Variants in SGMS1 observed in about 807,000 individuals in gnomAD.
SGMS1 encodes the protein phosphatidylcholine:ceramide cholinephosphotransferase 1.
Under a neutral mutation model 46.2 loss-of-function variants are expected in SGMS1, and 13 were observed. That is an observed-to-expected ratio of 0.28 (90% confidence interval 0.18 to 0.45). The LOEUF (loss-of-function observed/expected upper bound fraction) is 0.45, where lower values mean the gene tolerates loss of function less well. SGMS1 is among the 20% of genes least tolerant of loss of function. The pLI is 1.00. For missense variants in SGMS1, 324 were observed against 519.9 expected (o/e 0.62, Z 3.66); for synonymous variants, 203 against 187.8 (o/e 1.08, Z -0.66).
At chr10:50,564,621 C>A (rs566977233) in intron 2 of SGMS1, among the ~76,000 whole-genome samples, 34 of 152,124 alleles carry the variant, frequency 2.2e-4, no homozygotes, top group Non-Finnish European at 4.4e-4. Context: ...TAATGTGGCA[C>A]TTTATGAGCA....
chr10:50,356,152 T>G (rs1848144232), intron 6 of SGMS1, among the ~76,000 whole-genome samples: 2 of 152,244 alleles, frequency 1.3e-5, no homozygotes, highest in African/African-American at 4.8e-5. Flanking sequence ...GAGATCAGAT[T>G]GTTACTCTGT....
At chr10:50,596,881 A>G (rs539403416) in intron 1 of SGMS1, among the ~76,000 whole-genome samples, 1 of 152,202 alleles carries the variant, frequency 6.6e-6, no homozygotes, top group African/African-American at 2.4e-5. Context: ...TGACTTGCTT[A>G]AAGTCAGTGA....
At chr10:50,310,607 T>A (rs1847238994) in intron 9 of SGMS1, among the ~76,000 whole-genome samples, 1 of 151,582 alleles carries the variant, frequency 6.6e-6, no homozygotes, top group African/African-American at 2.4e-5. Context: ...GAAAAGGTTT[T>A]AATCATATAT....
At chr10:50,428,957 G>C (rs1038373156) in intron 6 of SGMS1, among the ~76,000 whole-genome samples, 1 of 152,188 alleles carries the variant, frequency 6.6e-6, no homozygotes, top group African/African-American at 2.4e-5. Flanking sequence ...TTAGCCTAAA[G>C]TTGGGTAAAA....
intron 3 of SGMS1, among the ~76,000 whole-genome samples, chr10:50,500,791 G>C (rs764695291): frequency 7.9e-5 from 12 of 152,124 alleles, no homozygotes; most frequent in Admixed American, 2.6e-4. Flanking sequence ...CCAGAGACAT[G>C]GTTCAAAACA....
intron 2 of SGMS1, among the ~76,000 whole-genome samples, chr10:50,552,207 G>A (rs973479916): frequency 5.3e-5 from 8 of 152,254 alleles, no homozygotes; most frequent in Non-Finnish European, 1.0e-4. Flanking sequence ...ATTTAATTTT[G>A]TATATTTATC....
intron 2 of SGMS1, among the ~76,000 whole-genome samples, chr10:50,580,868 C>T (rs751412838): frequency 1.7e-4 from 26 of 152,096 alleles, no homozygotes; most frequent in South Asian, 1.0e-3. Context: ...GTGCTTAACA[C>T]GAGTCAACCA....
intron 3 of SGMS1, among the ~76,000 whole-genome samples, chr10:50,507,540 C>T (rs534235332): frequency 2.4e-4 from 36 of 152,360 alleles, no homozygotes; most frequent in African/African-American, 6.0e-4. Context: ...TCTGTACCTA[C>T]AGTGGAGTGA....
At chr10:50,454,126 A>G (rs138902925) in intron 5 of SGMS1, among the ~76,000 whole-genome samples, 1,982 of 151,894 alleles carry the variant, frequency 0.013, 31 homozygotes, top group Non-Finnish European at 0.02. Context: ...GCACAACAGA[A>G]AGGGGAATAG....
At position 50,307,258 on chromosome 10, in the gene SGMS1, A is replaced by G; in HGVS notation, c.1126T>C (p.Tyr376His). Residue 376 changes from tyrosine to histidine, a missense_variant, in exon 11 of 11, where the codon TAC becomes CAC. Tyr to His is a moderately conservative substitution (Grantham distance 83). This residue lies in a region of SGMS1 where 174 missense variants were observed against 350.1 expected (regional missense o/e 0.50). Coordinates refer to ENST00000361781, the MANE Select transcript of SGMS1 (RefSeq NM_147156.4). The surrounding 1 kb of genome is among the most constrained non-coding windows in gnomAD (Gnocchi z 4.2). ...ARVWWYRPFQ[Y>H]FEKNVQGIVP... ...ATTCCTTGGACATTCTTTTCAAAGT[A>G]CTGAAATGGCCTGTACCACCACACC... 1 of 1,614,096 alleles carries G rather than the reference A, an allele frequency of 6.2e-7. No individual in the cohort carries two copies. The highest frequency in any genetic ancestry group is 8.5e-7 in the Non-Finnish European group (1 of 1,179,998).
At chr10:50,545,208 C>G (rs1461808749) in intron 2 of SGMS1, among the ~76,000 whole-genome samples, 1 of 152,116 alleles carries the variant, frequency 6.6e-6, no homozygotes, top group Non-Finnish European at 1.5e-5. Context: ...CCTTAAGGTT[C>G]CTAGTGTCAC....
intron 1 of SGMS1, among the ~76,000 whole-genome samples, chr10:50,596,167 G>GT (rs1479168544): frequency 6.9e-6 from 1 of 144,174 alleles, no homozygotes; most frequent in East Asian, 2.1e-4. Context: ...GATCTTACTT[G>GT]TATCACGATT....
chr10:50,449,230 C>T (rs1163181412), intron 5 of SGMS1, among the ~76,000 whole-genome samples: 1 of 152,180 alleles, frequency 6.6e-6, no homozygotes, highest in African/African-American at 2.4e-5. Flanking sequence ...ATCCATCTAC[C>T]TACCTGCCTA....
chr10:50,332,756 G>A (rs1847648780), intron 7 of SGMS1, among the ~76,000 whole-genome samples: 1 of 150,840 alleles, frequency 6.6e-6, no homozygotes, highest in African/African-American at 2.4e-5. Flanking sequence ...CTGAGTATCT[G>A]GGATCACAGG....
At chr10:50,482,493 A>T (rs571613414) in intron 3 of SGMS1, among the ~76,000 whole-genome samples, 42 of 152,276 alleles carry the variant, frequency 2.8e-4, no homozygotes, top group Admixed American at 2.7e-3. Flanking sequence ...TTTTCGAAAC[A>T]CTGAGGGAAT....
intron 1 of SGMS1, among the ~76,000 whole-genome samples, chr10:50,618,286 TA>T (rs1307325261): frequency 1.3e-5 from 2 of 152,204 alleles, no homozygotes; most frequent in Non-Finnish European, 2.9e-5. Flanking sequence ...AATATCTTTG[TA>T]ATCTTGGGGT....
intron 7 of SGMS1, among the ~76,000 whole-genome samples, chr10:50,327,675 G>C (rs1847552859): frequency 6.6e-6 from 1 of 152,214 alleles, no homozygotes; most frequent in Non-Finnish European, 1.5e-5. Flanking sequence ...TAAACATTTA[G>C]TGAGTATTTT....
intron 2 of SGMS1, among the ~76,000 whole-genome samples, chr10:50,575,944 C>A (rs72803730): frequency 3.3e-4 from 50 of 152,264 alleles, no homozygotes; most frequent in Non-Finnish European, 5.9e-4. Flanking sequence ...AGCTGTTTTA[C>A]TCCCAGAGCC....
chr10:50,427,885 T>A (rs776761457), intron 6 of SGMS1, among the ~76,000 whole-genome samples: 61 of 152,106 alleles, frequency 4.0e-4, no homozygotes, highest in Admixed American at 3.9e-3. Context: ...AAGGTTGACA[T>A]CTTCAATGAA....
Sources: allele counts gnomAD v4.1 joint callset (sites outside exome capture counted in the v4.1 genomes callset), GRCh38; gene constraint gnomAD v4.1.1; regional missense constraint gnomAD v4.1.1; non-coding constraint Gnocchi (gnomAD v3.1); transcripts MANE v1.5; gene names NCBI Gene and HGNC (gene_info 2026-07-23, HGNC 2026-07-21).